SMARCAL1: variants seen among roughly 807,000 people sequenced by gnomAD.
SMARCAL1 encodes SNF2 related chromatin remodeling annealing helicase 1.
Under a neutral mutation model 94.5 loss-of-function variants are expected in SMARCAL1, and 58 were observed. The observed-to-expected ratio is 0.61, with a 90% CI of 0.50 to 0.76. SMARCAL1 has a LOEUF of 0.76. SMARCAL1 is among the 30% of genes least tolerant of loss of function. The probability of loss-of-function intolerance (pLI) is 0.00; values close to 1 mark genes in which losing one functional copy is unlikely to be tolerated. For synonymous variants in SMARCAL1, 422 were observed against 455.1 expected (o/e 0.93, Z 0.93); for missense variants, 1,051 against 1,177.9 (o/e 0.89, Z 1.58).
chr2:216,452,175 A>T (rs1054891198), intron 12 of SMARCAL1, among the ~76,000 whole-genome samples: 18 of 152,166 alleles, frequency 1.2e-4, no homozygotes, highest in Non-Finnish European at 2.5e-4. Flanking sequence ...AACTTAAACA[A>T]CATCGATGTA....
At chr2:216,439,757 TC>T (rs1694157968) in intron 10 of SMARCAL1, among the ~76,000 whole-genome samples, 1 of 152,144 alleles carries the variant, frequency 6.6e-6, no homozygotes, top group Non-Finnish European at 1.5e-5. Flanking sequence ...AGAATAAAAG[TC>T]TTTTACTGCA....
At chr2:216,450,490 G>T (rs778916966) in intron 11 of SMARCAL1, among the ~76,000 whole-genome samples, 1 of 152,194 alleles carries the variant, frequency 6.6e-6, no homozygotes, top group Admixed American at 6.5e-5. Flanking sequence ...GGAAGATTTA[G>T]TATTTAGTGT....
chr2:216,434,460 G>A (rs903021345), intron 8 of SMARCAL1, among the ~76,000 whole-genome samples: 3 of 152,110 alleles, frequency 2.0e-5, no homozygotes, highest in Non-Finnish European at 2.9e-5. Flanking sequence ...AAAAAGAGTC[G>A]CATTCTTTCC....
chr2:216,463,458 C>G (rs1284804506), intron 12 of SMARCAL1, among the ~76,000 whole-genome samples: 1 of 152,094 alleles, frequency 6.6e-6, no homozygotes, highest in East Asian at 1.9e-4. Context: ...CTAAGCATCT[C>G]CCAGATGCCC....
chr2:216,415,885 G>T, intron 3 of SMARCAL1: 1 of 377,486 alleles, frequency 2.6e-6, no homozygotes, highest in South Asian at 2.6e-5. Flanking sequence ...GACAGGCCCA[G>T]TTTCATTGGT....
At chr2:216,451,141 AC>A in intron 12 of SMARCAL1, 77 bp downstream of exon 12, 2 of 1,174,684 alleles carry the variant, frequency 1.7e-6, no homozygotes, top group Non-Finnish European at 2.5e-6. Context: ...CTTGAAAATG[AC>A]CTGGCATTCT....
At chr2:216,468,389 A>T (rs978553492) in intron 14 of SMARCAL1, among the ~76,000 whole-genome samples, 1 of 152,184 alleles carries the variant, frequency 6.6e-6, no homozygotes, top group Non-Finnish European at 1.5e-5. Flanking sequence ...ATTTATGTGA[A>T]TGTTTTCCTC....
chr2:216,470,491 C>CTT (rs34225191), intron 14 of SMARCAL1, among the ~76,000 whole-genome samples: 1,437 of 142,926 alleles, frequency 0.01, 21 homozygotes, highest in African/African-American at 0.035. Flanking sequence ...CCAACTAGAT[C>CTT]TTTTTTTTTT....
chr2:216,435,366 GC>G lies in SMARCAL1; in HGVS notation c.1517del (p.Pro506GlnfsTer8), dbSNP rs1226835488. On this transcript the variant is annotated frameshift_variant, in exon 9 of 18. Transcript: ENST00000357276. LOFTEE classifies it high-confidence loss of function. The stretch of plus-strand genomic sequence containing the variant: ...TTCCTTCGGTGGCTGCCATCTCTGA[GC>G]CCAGATTGCATCAACGTCGTGGTGA... The part of the protein sequence containing the change: ...QAFLRWLPSL[S>X]PDCINVVVTG... 2 of 1,613,966 alleles carry G rather than the reference GC, an allele frequency of 1.2e-6. No homozygotes were observed. Among genetic ancestry groups the G allele is most frequent in the Admixed American group, 3.3e-5 (2 of 59,990 alleles).
intron 9 of SMARCAL1, 130 bp downstream of exon 9, chr2:216,435,626 C>A (rs1169180911): frequency 2.4e-6 from 2 of 837,400 alleles, no homozygotes; most frequent in African/African-American, 3.4e-5. Context: ...AAATCACTGT[C>A]TTTATTTTGT....
At chr2:216,472,662 G>GAAAA (rs35081222) in intron 14 of SMARCAL1, among the ~76,000 whole-genome samples, 1 of 145,892 alleles carries the variant, frequency 6.9e-6, no homozygotes, top group Non-Finnish European at 1.5e-5. Context: ...CTCCCAGTAG[G>GAAAA]AAAAAAAAAA....
chr2:216,428,893 T>C, intron 7 of SMARCAL1, 111 bp downstream of exon 7: 1 of 1,034,536 alleles, frequency 9.7e-7, no homozygotes, highest in Non-Finnish European at 1.5e-6. Context: ...CATGGATAGA[T>C]GAAAATTTAG....
At chr2:216,458,853 A>G (rs1694633007) in intron 12 of SMARCAL1, among the ~76,000 whole-genome samples, 1 of 152,184 alleles carries the variant, frequency 6.6e-6, no homozygotes, top group African/African-American at 2.4e-5. Flanking sequence ...CAGGAGAAAG[A>G]AATAAAGGGT....
In SMARCAL1 at chr2:216,477,097, C is replaced by G. The variant is rs761185795; in HGVS notation, c.2428-12C>G. 1.8e-5 allele frequency: 28 copies of G among 1,560,776 alleles called. No individual in the cohort carries two copies. The highest frequency in any genetic ancestry group is 2.4e-5 in the Non-Finnish European group (28 of 1,152,480). ...GGCCTTTACCTGCCTGTCTCAATTC[C>G]TGGACACACAGGTGCTGATCCAGGC... On this transcript the variant is annotated splice_polypyrimidine_tract_variant and intron_variant, in intron 15 of 17. Transcript: ENST00000357276.
rs781515824 is a variant in SMARCAL1, at chr2:216,415,402, G to C, written c.698G>C (p.Gly233Ala). ...AAGTCAGGGTCCTCAGTCCAAAAAG[G>C]AGTGAACTCTCAGAAGGGAAAGTGC... ...QQKSGSSVQK[G>A]VNSQKGKCVR... Residue 233 changes from glycine to alanine, a missense_variant, in exon 3 of 18, where the codon GGA (glycine) becomes GCA (alanine). Around this residue, in one of 3 missense-constraint regions of SMARCAL1, gnomAD observed 398 missense variants for 395.2 expected, o/e 1.01. Transcript: ENST00000357276. 7 of 1,614,128 alleles carry C rather than the reference G, an allele frequency of 4.3e-6. No homozygotes were observed. Among genetic ancestry groups the C allele is most frequent in the Non-Finnish European group, 5.9e-6 (7 of 1,180,058 alleles).
chr2:216,430,566 G>A (rs1693940149), intron 7 of SMARCAL1, among the ~76,000 whole-genome samples: 1 of 152,142 alleles, frequency 6.6e-6, no homozygotes, highest in African/African-American at 2.4e-5. Flanking sequence ...ATTTACTTAT[G>A]TTATTGTTCC....
chr2:216,423,142 C>G (rs1693761438), intron 5 of SMARCAL1, among the ~76,000 whole-genome samples: 1 of 152,158 alleles, frequency 6.6e-6, no homozygotes, highest in East Asian at 1.9e-4. Context: ...GAGGCAGAGC[C>G]AAAATTGAAA....
chr2:216,434,703 A>G (rs1694040355), intron 8 of SMARCAL1, among the ~76,000 whole-genome samples: 1 of 151,902 alleles, frequency 6.6e-6, no homozygotes. Context: ...AAATTAGCCA[A>G]GTATGGTGGT....
At chr2:216,454,051 C>G (rs1257094392) in intron 12 of SMARCAL1, among the ~76,000 whole-genome samples, 2 of 152,156 alleles carry the variant, frequency 1.3e-5, no homozygotes, top group African/African-American at 4.8e-5. Flanking sequence ...AGAAATGGAA[C>G]AAGTCCATAC....
Sources: allele counts gnomAD v4.1 joint callset (sites outside exome capture counted in the v4.1 genomes callset), GRCh38; gene constraint gnomAD v4.1.1; regional missense constraint gnomAD v4.1.1; transcripts MANE v1.5; gene names NCBI Gene and HGNC (gene_info 2026-07-23, HGNC 2026-07-21).